The following IL17RA variants were observed in gnomAD, a reference collection of about 807,000 sequenced individuals.
IL17RA encodes interleukin-17 receptor A.
A neutral mutation model predicts 50.4 loss-of-function variants in IL17RA; 34 were observed. The ratio of observed to expected loss-of-function variants is 0.67; its 90% CI spans 0.51 to 0.90. The LOEUF is 0.90. IL17RA is among the 40% of genes least tolerant of loss of function. IL17RA has a pLI of 0.00. For missense variants in IL17RA, 1,276 were observed against 1,169.8 expected, an observed-to-expected ratio of 1.09 and a Z score of -1.32; for synonymous variants, 585 against 510.4, an observed-to-expected ratio of 1.15 and a Z score of -1.97.
At position 17,097,879 on chromosome 22, in the gene IL17RA, T is replaced by G; in HGVS notation, c.246T>G (p.Phe82Leu). 1 of 1,614,222 alleles carries G rather than the reference T, an allele frequency of 6.2e-7. No homozygotes were observed. The highest frequency in any genetic ancestry group is 8.5e-7 in the Non-Finnish European group (1 of 1,180,040). ...AGGACCTGCAGATCCAGCTGCACTT[T>G]GCCCACACCCAACAAGGAGACCTGT... ...SPKDLQIQLH[F>L]AHTQQGDLFP... The change falls in exon 3 of 13, where the codon TTT becomes TTG. Residue 82 changes from phenylalanine to leucine, a missense_variant. Transcript: ENST00000319363.
At chr22:17,097,004 C>G in intron 1 of IL17RA, 58 bp from the exon 2 acceptor site, 1 of 1,513,500 alleles carries the variant, frequency 6.6e-7, no homozygotes, top group Non-Finnish European at 9.2e-7. Flanking sequence ...GCATCTGGCC[C>G]TGGCATGTGA....
intron 4 of IL17RA, among the ~76,000 whole-genome samples, chr22:17,100,142 A>T (rs796232975): frequency 7.1e-3 from 289 of 40,824 alleles, no homozygotes; most frequent in African/African-American, 0.046. Context: ...ATCCAGGTTT[A>T]AAAAAAAAAA....
intron 1 of IL17RA, among the ~76,000 whole-genome samples, chr22:17,094,847 A>G (rs1267106081): frequency 2.0e-5 from 3 of 150,802 alleles, no homozygotes; most frequent in Non-Finnish European, 4.4e-5. Flanking sequence ...TGTCTATGCA[A>G]CTAATTCTCA....
chr22:17,109,724 C>T lies in IL17RA; in HGVS notation c.2505C>T (p.Ser835=), dbSNP rs771249224. The T allele has an allele frequency of 1.3e-6, 2 of 1,578,310 alleles. No homozygotes were observed. Among genetic ancestry groups the T allele is most frequent in the Admixed American group, 3.7e-5 (2 of 54,046 alleles). ...CACTCTCTCCCGAGGACCTGGAGAG[C>T]CTGAGGAGCCTCCAGCGGCAGCTGC... ...ALPLSPEDLE[S]LRSLQRQLLF... is the part of the protein sequence containing the mutation. The change falls in exon 13 of 13, where the codon AGC becomes AGT. Residue 835 remains serine, a synonymous_variant. Transcript: ENST00000319363.
chr22:17,109,657 A>G lies in IL17RA; in HGVS notation c.2438A>G (p.Glu813Gly). ...QPPEGLTEMEEEEEEEQDPGK... is the reference protein window; with the variant it reads ...QPPEGLTEMEGEEEEEQDPGK... ...CCCGAGGGACTCACGGAAATGGAGG[A>G]AGAGGAGGAAGAGGAGCAGGACCCA... The change falls in exon 13 of 13, where the codon GAA becomes GGA. Residue 813 changes from glutamate to glycine, a missense_variant. Physicochemically the swap from Glu to Gly is moderately conservative, Grantham distance 98. Coordinates refer to ENST00000319363, the MANE Select transcript of IL17RA (RefSeq NM_014339.7). 6.2e-7 allele frequency: 1 copy of G among 1,600,816 alleles called. No homozygotes were observed.
At chr22:17,107,580 G>GCGA in intron 11 of IL17RA, 147 bp from the exon 12 acceptor site, 1 of 723,328 alleles carries the variant, frequency 1.4e-6, no homozygotes, top group East Asian at 2.7e-5. Flanking sequence ...TCATGCCTGT[G>GCGA]CGACCACCTA....
At chr22:17,093,913 C>T (rs1351782928) in intron 1 of IL17RA, 1 of 152,032 alleles carries the variant, frequency 6.6e-6, no homozygotes, top group East Asian at 1.9e-4. Flanking sequence ...ATGGCATATT[C>T]TGGTGTCACC....
chr22:17,104,684 T>C, intron 8 of IL17RA, 42 bp from the exon 9 acceptor site: 1 of 1,583,948 alleles, frequency 6.3e-7, no homozygotes, highest in Non-Finnish European at 8.7e-7. Context: ...GCATGGGCGC[T>C]CTACAGTTCT....
At position 17,113,704 on chromosome 22, in the gene IL17RA, G is replaced by A. The variant is rs939742528; in HGVS notation, c.*3884G>A. On this transcript the variant is annotated 3_prime_UTR_variant, in exon 13 of 13. Coordinates refer to ENST00000319363, the MANE Select transcript of IL17RA (RefSeq NM_014339.7). ...AAGGCCCGGGGCACCTGAGGACAGA[G>A]TGAGATGGAGGGCCGCTGCTCCAGC... 6.6e-6 allele frequency: 1 copy of A among 152,276 alleles called. No individual in the cohort carries two copies. Among genetic ancestry groups the A allele is most frequent in the Admixed American group, 6.5e-5 (1 of 15,290 alleles). The allele number at this position is 152,276 out of a possible 1,614,324, so 9.4% of individuals were successfully genotyped here.
At chr22:17,086,216 T>C (rs1317506231) in intron 1 of IL17RA, among the ~76,000 whole-genome samples, 1 of 151,932 alleles carries the variant, frequency 6.6e-6, no homozygotes, top group East Asian at 1.9e-4. Flanking sequence ...AGGGGATCTT[T>C]CCTCCCCTCC....
Position 17,097,931 on chromosome 22 carries a change from C to A in IL17RA, c.298C>A (p.Leu100Met), listed in dbSNP as rs1243791728. The A allele has an allele frequency of 6.2e-7, 1 of 1,614,160 alleles. No homozygotes were observed. Among genetic ancestry groups the A allele is most frequent in the Non-Finnish European group, 8.5e-7 (1 of 1,180,050 alleles). The change falls in exon 3 of 13, where the codon CTG becomes ATG. Residue 100 changes from leucine (L) to methionine (M), a missense_variant. Leu to Met is a conservative substitution (Grantham distance 15). Transcript: ENST00000319363. ...CCCCGTGGCTCACATCGAATGGACA[C>A]TGCAGACAGACGGTGAGTGGGCATG... ...LFPVAHIEWT[L>M]QTDASILYLE...
At position 17,098,835 on chromosome 22, in the gene IL17RA, G is replaced by A. The variant is rs367569746; in HGVS notation, c.371G>A (p.Arg124His). The A allele has an allele frequency of 7.7e-5, 124 of 1,614,050 alleles. No individual in the cohort carries two copies. The highest frequency in any genetic ancestry group is 3.3e-4 in the Admixed American group (20 of 60,004). Residue 124 changes from arginine (R) to histidine (H), a missense_variant, in exon 4 of 13, where the codon CGT becomes CAT. Transcript: ENST00000319363. ...LSVLQLNTNE[R>H]LCVRFEFLSK... ...GTCCTGCAGCTGAACACCAATGAACGTTTGTGCGTCAGGTTTGAGTTTCTG... is the reference window on the plus strand; with the variant it reads ...GTCCTGCAGCTGAACACCAATGAACATTTGTGCGTCAGGTTTGAGTTTCTG...
At chr22:17,097,190 C>A in intron 2 of IL17RA, 104 bp downstream of exon 2, 3 of 1,112,046 alleles carry the variant, frequency 2.7e-6, no homozygotes, top group Non-Finnish European at 4.1e-6. Flanking sequence ...CAGGTTCAGG[C>A]TGTGAGCTAC....
rs1464817407 is a variant in IL17RA, at chr22:17,103,831, GGTGTGGACGGGA to G, written c.846+258_846+269del. On this transcript the variant is annotated intron_variant, in intron 8 of 12. Coordinates refer to ENST00000319363, the MANE Select transcript of IL17RA (RefSeq NM_014339.7). ...GGGAGCGTGCACAGGTGGAGAGAGT[GGTGTGGACGGGA>G]GTGGGGAACGTGCACAGGTGGAGAG... 5.6e-4 allele frequency among the ~76,000 whole-genome samples: 81 copies of G among 143,654 alleles called. 1 individual carries two copies. The highest frequency in any genetic ancestry group is 1.3e-3 in the East Asian group (6 of 4,688). 94.2% of individuals were successfully genotyped at this position (143,654 alleles called of 152,430 possible).
At position 17,105,922 on chromosome 22, in the gene IL17RA, T is replaced by G; in HGVS notation, c.1013T>G (p.Leu338Arg). Residue 338 changes from leucine to arginine, a missense_variant, in exon 11 of 13, where the codon CTG becomes CGG. Coordinates refer to ENST00000319363, the MANE Select transcript of IL17RA (RefSeq NM_014339.7). ...ATCCTGCTGGTGGGCTCCGTCATCCTGCTCATCGTCTGCATGACCTGGAGG... is the reference window on the plus strand; with the variant it reads ...ATCCTGCTGGTGGGCTCCGTCATCCGGCTCATCGTCTGCATGACCTGGAGG... ...ISILLVGSVI[L>R]LIVCMTWRLA... 1.2e-6 allele frequency: 2 copies of G among 1,614,202 alleles called. No individual in the cohort carries two copies. Among genetic ancestry groups the G allele is most frequent in the Non-Finnish European group, 1.7e-6 (2 of 1,180,024 alleles).
chr22:17,105,521 T>G (rs1007361750), intron 9 of IL17RA, 70 bp from the exon 10 acceptor site: 3 of 1,481,340 alleles, frequency 2.0e-6, no homozygotes, highest in African/African-American at 2.8e-5. Flanking sequence ...GGGACGTCAG[T>G]TGTGTTTCTT....
In IL17RA at chr22:17,105,619, C is replaced by T; in HGVS notation, c.943+17C>T. 4 of 1,613,040 alleles carry T rather than the reference C, an allele frequency of 2.5e-6. No homozygotes were observed. The South Asian group carries it at 4.4e-5, about 18-fold the overall frequency. ...CAATTCCGGGTAAGCTTGGATCTCT[C>T]TCCGACAGCACTGCAGCCCTCAGGG... On this transcript the variant is annotated intron_variant, in intron 10 of 12. Coordinates refer to ENST00000319363, the MANE Select transcript of IL17RA (RefSeq NM_014339.7).
chr22:17,105,341 G>A (rs2061409741), intron 9 of IL17RA, among the ~76,000 whole-genome samples: 1 of 152,200 alleles, frequency 6.6e-6, no homozygotes, highest in Non-Finnish European at 1.5e-5. Flanking sequence ...CTCACCAGAA[G>A]GCAAGGCGCA....
Position 17,109,440 on chromosome 22 carries a change from C to A in IL17RA, c.2221C>A (p.Pro741Thr), listed in dbSNP as rs1245969526. ...CCCCATGGCGTCTCCTGACCTCCTT[C>A]CAGAGGACGTGAGGGAGCACCTCGA... ...STPMASPDLL[P>T]EDVREHLEGL... The change falls in exon 13 of 13, where the codon CCA becomes ACA. Residue 741 changes from proline (P) to threonine (T), a missense_variant. By Grantham distance (38) the Pro-to-Thr change is conservative (BLOSUM62 -1). Coordinates refer to ENST00000319363, the MANE Select transcript of IL17RA (RefSeq NM_014339.7). 1.4e-5 allele frequency: 23 copies of A among 1,613,290 alleles called. No homozygotes were observed. The highest frequency in any genetic ancestry group is 1.9e-5 in the Non-Finnish European group (23 of 1,179,998).
Sources: gnomAD v4.1 joint callset for allele counts (sites outside exome capture counted in the v4.1 genomes callset) on GRCh38, gnomAD v4.1.1 for gene constraint, MANE v1.5 for transcripts, NCBI Gene and HGNC (gene_info 2026-07-23, HGNC 2026-07-21) for gene names.